The following BMP1 variants were observed in gnomAD, a reference collection of about 807,000 sequenced individuals.
BMP1 encodes mammalian tolloid protein.
A neutral mutation model predicts 116.8 loss-of-function variants in BMP1; 63 were observed. That is an observed-to-expected ratio of 0.54 (90% CI 0.44 to 0.67). The LOEUF (loss-of-function observed/expected upper bound fraction) is 0.67, where lower values mean the gene tolerates loss of function less well. Ranked by LOEUF, BMP1 falls within the 30% of genes least tolerant of loss-of-function variation. The probability of loss-of-function intolerance (pLI) is 0.00; values close to 1 mark genes in which losing one functional copy is unlikely to be tolerated. For synonymous variants in BMP1, 536 were observed against 533.4 expected (o/e 1.00, Z -0.07); for missense variants, 1,183 against 1,358.9 (o/e 0.87, Z 2.04).
intron 4 of BMP1, 54 bp downstream of exon 4, chr8:22,176,704 C>G: frequency 6.4e-7 from 1 of 1,570,398 alleles, no homozygotes; most frequent in Non-Finnish European, 8.8e-7. Context: ...AACCCAGGTT[C>G]TGCCCTGGGC....
In BMP1 at chr8:22,194,042, C is replaced by A; in HGVS notation, c.1181-16C>A. ...CCTCAGGGTTCACCACTCTTCCATC[C>A]ACACTGTCTGTGCAGGCCGCTTCTG... On this transcript the variant is annotated splice_polypyrimidine_tract_variant and intron_variant, in intron 9 of 19. Transcript: ENST00000306385. The surrounding 1 kb of genome is among the most constrained non-coding windows in gnomAD (Gnocchi z 4.5). The A allele has an allele frequency of 6.2e-7, 1 of 1,606,270 alleles. No homozygotes were observed. The highest frequency in any genetic ancestry group is 8.5e-7 in the Non-Finnish European group (1 of 1,172,960).
chr8:22,195,639 A>T, intron 13 of BMP1, 52 bp downstream of exon 13: 2 of 1,554,286 alleles, frequency 1.3e-6, no homozygotes, highest in Non-Finnish European at 1.7e-6. Flanking sequence ...GCACCAGCCC[A>T]CCTGCCCAGA....
Position 22,196,718 on chromosome 8 carries a change from A to G in BMP1, c.1804A>G (p.Ile602Val), listed in dbSNP as rs374534506. The G allele has an allele frequency of 1.1e-4, 185 of 1,613,842 alleles. 1 individual carries two copies. The highest frequency in any genetic ancestry group is 6.3e-5 in the Non-Finnish European group (74 of 1,179,980). The change falls in exon 14 of 20, where the codon ATC becomes GTC. Residue 602 changes from isoleucine (I) to valine (V), a missense_variant. Transcript: ENST00000306385. Reference sequence around the variant, plus strand: ...ATTCCTCACCAAGCTCAACGGCTCCATCACCAGCCCGGGCTGGCCCAAGGA... The same window carrying G: ...ATTCCTCACCAAGCTCAACGGCTCCGTCACCAGCCCGGGCTGGCCCAAGGA... Reference protein sequence around the residue: ...GGFLTKLNGSITSPGWPKEYP... With the variant: ...GGFLTKLNGSVTSPGWPKEYP...
chr8:22,175,867 G>T (rs967950932), intron 2 of BMP1, among the ~76,000 whole-genome samples: 2 of 152,150 alleles, frequency 1.3e-5, no homozygotes, highest in East Asian at 1.9e-4. Context: ...AGGACACTTG[G>T]TTACACAATG....
chr8:22,179,187 C>T lies in BMP1; in HGVS notation c.837-518C>T, dbSNP rs764672494. Among the ~76,000 whole-genome samples, 25 of 152,210 alleles carry T rather than the reference C, an allele frequency of 1.6e-4. No homozygotes were observed. The highest frequency in any genetic ancestry group is 5.8e-4 in the East Asian group (3 of 5,202). ...GATTGGGAGCTGGTGGGGCTGTCCC[C>T]GGGGCTTGGTCTGGCTGCAGTGGAA... On this transcript the variant is annotated intron_variant, in intron 6 of 19. Transcript: ENST00000306385. This position sits in a 1 kb window ranked among gnomAD's most constrained non-coding sequence, Gnocchi z 4.6.
intron 18 of BMP1, among the ~76,000 whole-genome samples, chr8:22,208,094 G>A (rs182771348): frequency 6.6e-6 from 1 of 152,118 alleles, no homozygotes; most frequent in East Asian, 1.9e-4. Flanking sequence ...ATGTTGGCCA[G>A]GCCAGTCTCA....
In BMP1 at chr8:22,180,393, C is replaced by T; in HGVS notation, c.987C>T (p.Ser329=). ...CPACGETLQD[S]TGNFSSPEYP... The stretch of plus-strand genomic sequence containing the variant: ...CCTGTGGAGAGACCCTGCAAGACAG[C>T]ACAGGCAACTTCTCCTCCCCTGAAT... The change falls in exon 8 of 20, where the codon AGC becomes AGT. Residue 329 remains serine (S), a synonymous_variant. Transcript: ENST00000306385. The T allele has an allele frequency of 6.2e-7, 1 of 1,613,986 alleles. No homozygotes were observed. Among genetic ancestry groups the T allele is most frequent in the Non-Finnish European group, 8.5e-7 (1 of 1,179,904 alleles).
At chr8:22,201,016 A>AACCCCC in intron 15 of BMP1, 12 of 148,548 alleles carry the variant, frequency 8.1e-5, no homozygotes, top group South Asian at 2.7e-4. Context: ...CCTCAGATCC[A>AACCCCC]CCTCAGAGGC....
chr8:22,196,061 G>C (rs552266972), intron 13 of BMP1: 35 of 388,544 alleles, frequency 9.0e-5, no homozygotes, highest in South Asian at 6.5e-4. Context: ...AGAACACACT[G>C]TCCCCCCGTA....
At chr8:22,210,231 T>A (rs540141137) in intron 19 of BMP1, among the ~76,000 whole-genome samples, 1 of 152,368 alleles carries the variant, frequency 6.6e-6, no homozygotes, top group South Asian at 2.1e-4. Flanking sequence ...TGGGCACTGC[T>A]TCTTGGTCCA....
intron 19 of BMP1, among the ~76,000 whole-genome samples, 181 bp from the exon 20 acceptor site, chr8:22,211,413 C>T (rs891198994): frequency 5.3e-5 from 8 of 152,152 alleles, no homozygotes; most frequent in Non-Finnish European, 8.8e-5. Context: ...CTTCGGCCCA[C>T]GCCTCCTCCC....
intron 16 of BMP1, among the ~76,000 whole-genome samples, chr8:22,206,205 A>G (rs992918457): frequency 7.2e-5 from 11 of 151,988 alleles, no homozygotes; most frequent in Admixed American, 1.3e-4. Flanking sequence ...TGTCTCTACT[A>G]AAAATACAAA....
intron 1 of BMP1, chr8:22,169,733 T>A (rs1246283128): frequency 6.6e-6 from 1 of 152,194 alleles, no homozygotes; most frequent in Admixed American, 6.5e-5. Flanking sequence ...CCAGCCAGCC[T>A]CCTCTCCCCA....
At chr8:22,211,367 G>C (rs1829459204) in intron 19 of BMP1, among the ~76,000 whole-genome samples, 1 of 152,218 alleles carries the variant, frequency 6.6e-6, no homozygotes, top group Admixed American at 6.5e-5. Flanking sequence ...TCATTTAGTA[G>C]TTATAGCAGA....
Position 22,177,060 on chromosome 8 carries a change from C to A in BMP1, c.651C>A (p.His217Gln). The A allele has an allele frequency of 6.2e-7, 1 of 1,612,592 alleles. No homozygotes were observed. The highest frequency in any genetic ancestry group is 8.5e-7 in the Non-Finnish European group (1 of 1,179,442). Residue 217 changes from histidine to glutamine, a missense_variant, in exon 5 of 20, where the codon CAC becomes CAA. Physicochemically the swap from His to Gln is conservative, Grantham distance 24. Transcript: ENST00000306385. ...KFGIVVHELGHVVGFWHEHTR... is the reference protein window; with the variant it reads ...KFGIVVHELGQVVGFWHEHTR... ...GCATTGTGGTCCACGAGCTGGGCCA[C>A]GTCGTCGGCTTCTGGCACGAACACA...
intron 19 of BMP1, 44 bp from the exon 20 acceptor site, chr8:22,211,550 C>T: frequency 6.2e-7 from 1 of 1,612,964 alleles, no homozygotes; most frequent in Non-Finnish European, 8.5e-7. Flanking sequence ...ACAGCAGCCC[C>T]AGCCCCTCTT....
intron 15 of BMP1, 171 bp from the exon 16 acceptor site, chr8:22,201,632 G>A: frequency 7.3e-7 from 1 of 1,363,296 alleles, no homozygotes. Flanking sequence ...GTGCCCCTTT[G>A]GACCCCCTTG....
Position 22,207,284 on chromosome 8 carries a change from T to C in BMP1, c.2362-19T>C. The C allele has an allele frequency of 6.2e-7, 1 of 1,602,962 alleles. No homozygotes were observed. The highest frequency in any genetic ancestry group is 8.5e-7 in the Non-Finnish European group (1 of 1,170,674). On this transcript the variant is annotated intron_variant, in intron 17 of 19. Transcript: ENST00000306385. Reference sequence around the variant, plus strand: ...TTCCAGCCAAATTTTTAATCTGTGCTCCTTCCTCATCCCCCTAGACCTTCA... The same window carrying C: ...TTCCAGCCAAATTTTTAATCTGTGCCCCTTCCTCATCCCCCTAGACCTTCA...
Position 22,194,268 on chromosome 8 carries a change from G to T in BMP1, c.1297+94G>T. ...CCTGGCACCTGAGGGGCAAGATTGT[G>T]GGTTCCCAAGGGAAGAAGCAGAGAG... On this transcript the variant is annotated intron_variant, in intron 10 of 19. Transcript: ENST00000306385. The surrounding 1 kb of genome is among the most constrained non-coding windows in gnomAD (Gnocchi z 4.5). The T allele has an allele frequency of 6.8e-7, 1 of 1,469,322 alleles. No individual in the cohort carries two copies. The highest frequency in any genetic ancestry group is 2.3e-5 in the East Asian group (1 of 44,060). The allele number at this position is 1,469,322 out of a possible 1,614,324, so 91.0% of individuals were successfully genotyped here. A position where few individuals can be genotyped will look rare whatever the true frequency, so the allele number is the denominator to read the frequency against.
Sources: allele counts gnomAD v4.1 joint callset (sites outside exome capture counted in the v4.1 genomes callset), GRCh38; gene constraint gnomAD v4.1.1; non-coding constraint Gnocchi (gnomAD v3.1); transcripts MANE v1.5; gene names NCBI Gene and HGNC (gene_info 2026-07-23, HGNC 2026-07-21).